Variants in CTNNA3 observed in about 807,000 individuals in gnomAD.
CTNNA3 encodes the protein catenin alpha-3.
CTNNA3 carries 76 observed loss-of-function variants against 95.7 expected under a neutral mutation model. The observed-to-expected ratio is 0.79, with a 90% confidence interval of 0.66 to 0.96. CTNNA3 has a LOEUF of 0.96. Ranked by LOEUF, CTNNA3 falls within the 40% of genes least tolerant of loss-of-function variation. CTNNA3 has a pLI of 0.00. For missense variants in CTNNA3, 1,191 were observed against 1,089.8 expected (o/e 1.09, Z -1.31); for synonymous variants, 431 against 374.4 (o/e 1.15, Z -1.74).
At chr10:67,193,674 C>T (rs1320864474) in intron 6 of CTNNA3, among the ~76,000 whole-genome samples, 2 of 151,990 alleles carry the variant, frequency 1.3e-5, no homozygotes, top group Non-Finnish European at 1.5e-5. Context: ...CATAATCTCA[C>T]TCTTTTTATG....
At chr10:66,925,134 T>G (rs1365001884) in intron 7 of CTNNA3, among the ~76,000 whole-genome samples, 2 of 152,170 alleles carry the variant, frequency 1.3e-5, no homozygotes, top group Non-Finnish European at 2.9e-5. Flanking sequence ...CATCTAGTGG[T>G]TAGTGGTTCG....
chr10:67,452,758 C>G (rs1847036203), intron 5 of CTNNA3, among the ~76,000 whole-genome samples: 1 of 152,140 alleles, frequency 6.6e-6, no homozygotes, highest in Non-Finnish European at 1.5e-5. Flanking sequence ...GGCAGGAACA[C>G]AGATAATAGT....
intron 9 of CTNNA3, among the ~76,000 whole-genome samples, chr10:66,729,199 AACAGCTCAACATC>A (rs1459927033): frequency 6.6e-6 from 1 of 152,368 alleles, no homozygotes; most frequent in East Asian, 1.9e-4. Flanking sequence ...ACATATGAAA[AACAGCTCAACATC>A]ACTGATCATT....
At chr10:66,066,907 C>G (rs1185667781) in intron 15 of CTNNA3, among the ~76,000 whole-genome samples, 1 of 152,002 alleles carries the variant, frequency 6.6e-6, no homozygotes, top group Admixed American at 6.6e-5. Context: ...TTTCTATAGA[C>G]TCTTTTCATG....
intron 15 of CTNNA3, among the ~76,000 whole-genome samples, chr10:66,034,619 A>G (rs1418520070): frequency 6.6e-6 from 1 of 152,222 alleles, no homozygotes; most frequent in East Asian, 1.9e-4. Context: ...TATTTTGACC[A>G]TTAACTAGTT....
intron 11 of CTNNA3, among the ~76,000 whole-genome samples, chr10:66,478,928 ATTTTCCCCC>A (rs1289339076): frequency 2.0e-5 from 3 of 151,800 alleles, no homozygotes; most frequent in Non-Finnish European, 4.4e-5. Context: ...TGAATTTACC[ATTTTCCCCC>A]TTATAGATAA....
At chr10:66,386,869 G>C (rs1039201318) in intron 11 of CTNNA3, among the ~76,000 whole-genome samples, 2 of 152,234 alleles carry the variant, frequency 1.3e-5, no homozygotes, top group African/African-American at 2.4e-5. Flanking sequence ...TTAATAAATG[G>C]TGCTGGGAAA....
At chr10:66,548,787 A>T (rs1842118374) in intron 10 of CTNNA3, among the ~76,000 whole-genome samples, 1 of 152,008 alleles carries the variant, frequency 6.6e-6, no homozygotes, top group Non-Finnish European at 1.5e-5. Flanking sequence ...TATCTTTCTT[A>T]TAATACATTT....
chr10:66,023,004 C>G (rs1017924748), intron 15 of CTNNA3, among the ~76,000 whole-genome samples: 3 of 152,196 alleles, frequency 2.0e-5, no homozygotes, highest in Non-Finnish European at 4.4e-5. Context: ...CTGATATCAA[C>G]CCATATCCAG....
intron 7 of CTNNA3, among the ~76,000 whole-genome samples, chr10:66,881,508 T>C (rs1354732862): frequency 6.6e-6 from 1 of 152,114 alleles, no homozygotes; most frequent in Non-Finnish European, 1.5e-5. Context: ...TCACACCATA[T>C]AACATGATTC....
At chr10:66,393,032 G>C (rs563023521) in intron 11 of CTNNA3, among the ~76,000 whole-genome samples, 22 of 152,126 alleles carry the variant, frequency 1.4e-4, no homozygotes, top group African/African-American at 4.8e-4. Context: ...AAACTGGAAC[G>C]CTCAGTCAAT....
intron 9 of CTNNA3, among the ~76,000 whole-genome samples, chr10:66,651,989 C>T (rs930293021): frequency 1.3e-5 from 2 of 151,096 alleles, no homozygotes; most frequent in Non-Finnish European, 2.9e-5. Flanking sequence ...ACGTTGTCAC[C>T]TCTCAATGAG....
At chr10:67,331,308 A>G (rs1228561283) in intron 5 of CTNNA3, among the ~76,000 whole-genome samples, 3 of 152,232 alleles carry the variant, frequency 2.0e-5, no homozygotes, top group Admixed American at 2.0e-4. Flanking sequence ...TGAGACATGC[A>G]GGATAAAGAA....
At chr10:66,246,372 C>A (rs550731815) in intron 13 of CTNNA3, among the ~76,000 whole-genome samples, 1 of 152,134 alleles carries the variant, frequency 6.6e-6, no homozygotes, top group Admixed American at 6.5e-5. Flanking sequence ...TTGGAGTCTG[C>A]AGCCACAGTT....
chr10:67,560,799 C>T (rs1240463719), intron 3 of CTNNA3, among the ~76,000 whole-genome samples: 1 of 151,858 alleles, frequency 6.6e-6, no homozygotes, highest in African/African-American at 2.4e-5. Flanking sequence ...GAAGATCTAC[C>T]AAGCAAATGG....
intron 7 of CTNNA3, among the ~76,000 whole-genome samples, chr10:66,908,360 A>G (rs1015044000): frequency 3.9e-5 from 6 of 152,190 alleles, no homozygotes; most frequent in Admixed American, 3.3e-4. Context: ...ATTATTTCTG[A>G]CAACAGGCTC....
At chr10:67,574,329 T>G (rs1842073020) in intron 3 of CTNNA3, among the ~76,000 whole-genome samples, 1 of 152,198 alleles carries the variant, frequency 6.6e-6, no homozygotes. Context: ...TATGAAAGTT[T>G]TGTTCCCCTA....
intron 11 of CTNNA3, among the ~76,000 whole-genome samples, chr10:66,504,696 C>A (rs1840391592): frequency 6.6e-6 from 1 of 152,142 alleles, no homozygotes; most frequent in Admixed American, 6.5e-5. Context: ...CCAATTTATA[C>A]TGATTATAGG....
intron 9 of CTNNA3, among the ~76,000 whole-genome samples, chr10:66,708,002 A>C (rs1330391465): frequency 5.9e-5 from 9 of 152,174 alleles, no homozygotes; most frequent in Admixed American, 5.9e-4. Context: ...ATAATGTTAA[A>C]GTCACTCAAT....
Sources: gnomAD v4.1 joint callset for allele counts (sites outside exome capture counted in the v4.1 genomes callset) on GRCh38, gnomAD v4.1.1 for gene constraint, MANE v1.5 for transcripts, NCBI Gene and HGNC (gene_info 2026-07-23, HGNC 2026-07-21) for gene names.